The following EXOC6 variants were observed in gnomAD, a reference collection of about 807,000 sequenced individuals.
EXOC6 encodes the protein exocyst complex component 6.
A neutral mutation model predicts 112.5 loss-of-function variants in EXOC6; 60 were observed. The ratio of observed to expected loss-of-function variants is 0.53; its 90% confidence interval spans 0.43 to 0.66. EXOC6 has a LOEUF of 0.66. Among genes scored for constraint, EXOC6 ranks in the 30% least tolerant of loss-of-function variants. The pLI, the probability that EXOC6 is intolerant of heterozygous loss-of-function variation, is 0.00. For missense variants in EXOC6, 855 were observed against 957.1 expected (o/e 0.89, Z 1.41); for synonymous variants, 295 against 308.0 (o/e 0.96, Z 0.44).
At position 93,058,262 on chromosome 10, in the gene EXOC6, G is replaced by A; in HGVS notation, c.2322G>A (p.Gln774=). 1 of 1,611,076 alleles carries A rather than the reference G, an allele frequency of 6.2e-7. No individual in the cohort carries two copies. Among genetic ancestry groups the A allele is most frequent in the Non-Finnish European group, 8.5e-7 (1 of 1,179,384 alleles). Residue 774 remains glutamine (Q), a synonymous_variant, in exon 22 of 22, where the codon CAG becomes CAA. Transcript: ENST00000260762. ...DTSKKNNIFA[Q]FRKNDRDKQK... ...GCAAAAAGAACAATATATTTGCTCA[G>A]TTCAGGAAGAATGATCGAGACAAAC...
intron 1 of EXOC6, among the ~76,000 whole-genome samples, chr10:92,839,482 A>C (rs1226617889): frequency 6.6e-6 from 1 of 152,182 alleles, no homozygotes; most frequent in Non-Finnish European, 1.5e-5. Context: ...GAATCTTCAT[A>C]TTGAGGATGA....
chr10:92,977,785 AAG>A (rs1842687509), intron 18 of EXOC6, among the ~76,000 whole-genome samples: 1 of 152,152 alleles, frequency 6.6e-6, no homozygotes, highest in Non-Finnish European at 1.5e-5. Context: ...GAATAGGATT[AAG>A]AGAGATTATG....
intron 16 of EXOC6, among the ~76,000 whole-genome samples, chr10:92,955,298 A>G (rs1564859919): frequency 1.3e-5 from 2 of 152,222 alleles, no homozygotes; most frequent in African/African-American, 4.8e-5. Flanking sequence ...CTAATTTTTT[A>G]CTTGCTAAAT....
At chr10:92,946,772 G>A (rs748799441) in intron 13 of EXOC6, among the ~76,000 whole-genome samples, 5 of 152,074 alleles carry the variant, frequency 3.3e-5, no homozygotes, top group Non-Finnish European at 7.4e-5. Context: ...TATTCCAGTG[G>A]TCTAGAATGC....
intron 1 of EXOC6, among the ~76,000 whole-genome samples, chr10:92,882,262 G>A (rs1451467984): frequency 6.6e-6 from 1 of 152,134 alleles, no homozygotes; most frequent in Admixed American, 6.6e-5. Flanking sequence ...AGGAGGTGGT[G>A]GTTGGGCACA....
intron 1 of EXOC6, among the ~76,000 whole-genome samples, chr10:92,840,855 G>A (rs1460143932): frequency 6.6e-6 from 1 of 151,586 alleles, no homozygotes; most frequent in African/African-American, 2.4e-5. Flanking sequence ...ACGAGGTTTC[G>A]CCATGTTGTC....
At chr10:92,980,938 A>C (rs1842804063) in intron 18 of EXOC6, among the ~76,000 whole-genome samples, 1 of 152,058 alleles carries the variant, frequency 6.6e-6, no homozygotes, top group African/African-American at 2.4e-5. Context: ...GAGGCAGGAG[A>C]ATTGCTTGAA....
intron 1 of EXOC6, among the ~76,000 whole-genome samples, chr10:92,868,738 G>A (rs1233470262): frequency 6.6e-6 from 1 of 151,256 alleles, no homozygotes; most frequent in Non-Finnish European, 1.5e-5. Flanking sequence ...TTAAGATTAT[G>A]TGTAGGTGTT....
rs200586946 is a variant in EXOC6, at chr10:92,938,317, C to G, written c.1213-2410C>G. 2.0e-5 allele frequency among the ~76,000 whole-genome samples: 3 copies of G among 152,058 alleles called. No individual in the cohort carries two copies. In the East Asian group the frequency reaches 5.8e-4, roughly 29 times the overall value. Reference sequence around the variant, plus strand: ...CCAGTCCTTCCTACTTTTTCAGTTTCTACAGTATTTTCATTTCACTCAAAG... The same window carrying G: ...CCAGTCCTTCCTACTTTTTCAGTTTGTACAGTATTTTCATTTCACTCAAAG... On this transcript the variant is annotated intron_variant, in intron 12 of 21. Coordinates refer to ENST00000260762, the MANE Select transcript of EXOC6 (RefSeq NM_019053.6).
At chr10:92,949,663 G>T (rs1032427689) in intron 14 of EXOC6, among the ~76,000 whole-genome samples, 1 of 151,418 alleles carries the variant, frequency 6.6e-6, no homozygotes, top group African/African-American at 2.4e-5. Flanking sequence ...TGCCATCTCG[G>T]CTTACTGCAA....
At chr10:92,848,390 T>TTCTGCCCGGCGTTCCGCGCGCCC (rs1847139247), upstream of EXOC6, 1 of 510,040 alleles carries the variant, frequency 2.0e-6, no homozygotes, top group Non-Finnish European at 2.5e-6. Flanking sequence ...GTCGCGCGCC[T>TTCTGCCCGGCGTTCCGCGCGCCC]TCTGCCCGGC....
intron 18 of EXOC6, among the ~76,000 whole-genome samples, chr10:92,991,725 TTCTCTCTC>T (rs72252880): frequency 5.0e-4 from 75 of 148,840 alleles, no homozygotes; most frequent in Admixed American, 6.7e-4. Context: ...CACGTTCTAT[TTCTCTCTC>T]TCTCTCTCTC....
chr10:92,943,572 A>C (rs546155639), intron 13 of EXOC6, among the ~76,000 whole-genome samples: 1 of 152,124 alleles, frequency 6.6e-6, no homozygotes, highest in Admixed American at 6.5e-5. Context: ...TTATTTTTGG[A>C]TACATGTGCT....
At chr10:92,954,856 A>G in intron 16 of EXOC6, 115 bp downstream of exon 16, 1 of 531,198 alleles carries the variant, frequency 1.9e-6, no homozygotes, top group South Asian at 2.9e-5. Context: ...TATTAATATA[A>G]GCAGATTTGT....
At chr10:92,971,291 G>T (rs552441750) in intron 17 of EXOC6, among the ~76,000 whole-genome samples, 9 of 152,036 alleles carry the variant, frequency 5.9e-5, no homozygotes, top group African/African-American at 1.9e-4. Flanking sequence ...TGATTCACCC[G>T]CCTTGGCCTC....
chr10:92,971,349 A>AT (rs71028862), intron 17 of EXOC6, among the ~76,000 whole-genome samples: 1 of 151,008 alleles, frequency 6.6e-6, no homozygotes, highest in Admixed American at 6.6e-5. Context: ...CAGCCTAGTG[A>AT]TTTTTTTTTC....
At chr10:92,994,380 A>G (rs1481123439) in intron 18 of EXOC6, among the ~76,000 whole-genome samples, 1 of 150,192 alleles carries the variant, frequency 6.7e-6, no homozygotes, top group African/African-American at 2.5e-5. Context: ...CTCTTTTACA[A>G]GTCCTTTGAA....
At chr10:92,923,210 G>A (rs1038084074) in intron 8 of EXOC6, among the ~76,000 whole-genome samples, 5 of 152,094 alleles carry the variant, frequency 3.3e-5, no homozygotes, top group Non-Finnish European at 7.4e-5. Flanking sequence ...ACAATTTTTT[G>A]CCTTAGATGG....
intron 1 of EXOC6, among the ~76,000 whole-genome samples, chr10:92,864,832 T>C (rs1848100210): frequency 6.6e-6 from 1 of 152,144 alleles, no homozygotes; most frequent in East Asian, 1.9e-4. Context: ...ATTATACCAC[T>C]GGCTTTCCTG....
Sources: gnomAD v4.1 joint callset for allele counts (sites outside exome capture counted in the v4.1 genomes callset) on GRCh38, gnomAD v4.1.1 for gene constraint, MANE v1.5 for transcripts, NCBI Gene and HGNC (gene_info 2026-07-23, HGNC 2026-07-21) for gene names.